TMEM266: variants seen among roughly 807,000 people sequenced by gnomAD.
The protein encoded by TMEM266 is transmembrane protein 266.
In TMEM266, 33 loss-of-function variants were observed where a neutral mutation model predicts 50.5. The observed-to-expected ratio is 0.65, with a 90% CI of 0.50 to 0.87. The LOEUF is 0.87. Among genes scored for constraint, TMEM266 ranks in the 40% least tolerant of loss-of-function variants. The pLI is 0.00. For synonymous variants in TMEM266, 310 were observed against 292.3 expected, an observed-to-expected ratio of 1.06 and a Z score of -0.62; for missense variants, 655 against 695.1, an observed-to-expected ratio of 0.94 and a Z score of 0.65.
chr15:76,163,798 C>T (rs1403536411), intron 5 of TMEM266, among the ~76,000 whole-genome samples: 2 of 152,204 alleles, frequency 1.3e-5, no homozygotes, highest in Non-Finnish European at 2.9e-5. Context: ...GAAGAGAAAG[C>T]GGAGCCGCGG....
intron 1 of TMEM266, among the ~76,000 whole-genome samples, chr15:76,133,422 G>A (rs1406002539): frequency 6.7e-6 from 1 of 150,210 alleles, no homozygotes; most frequent in Non-Finnish European, 1.5e-5. Context: ...GGTGACAAGA[G>A]TGAAACTCCA....
At chr15:76,080,744 A>T (rs1242241539) in intron 1 of TMEM266, among the ~76,000 whole-genome samples, 1 of 151,642 alleles carries the variant, frequency 6.6e-6, no homozygotes, top group Non-Finnish European at 1.5e-5. Flanking sequence ...TGGACACGCC[A>T]TGGATTTTTT....
At chr15:76,108,847 G>A (rs2037125397) in intron 1 of TMEM266, among the ~76,000 whole-genome samples, 1 of 152,116 alleles carries the variant, frequency 6.6e-6, no homozygotes, top group Non-Finnish European at 1.5e-5. Flanking sequence ...TTAAGTGTGG[G>A]GGAGATTAAT....
At chr15:76,165,326 A>T (rs2038078431) in intron 5 of TMEM266, among the ~76,000 whole-genome samples, 3 of 152,246 alleles carry the variant, frequency 2.0e-5, no homozygotes, top group African/African-American at 7.2e-5. Flanking sequence ...AGGGACCAGA[A>T]GGTTCACTTG....
chr15:76,125,617 G>T (rs899735090), intron 1 of TMEM266, among the ~76,000 whole-genome samples: 2 of 152,090 alleles, frequency 1.3e-5, no homozygotes, highest in Non-Finnish European at 2.9e-5. Flanking sequence ...GGAGGCCCAG[G>T]TGGGCAGATC....
rs79306104 is a variant in TMEM266 at position 76,111,075 on chromosome 15, C to T, written c.-96-23093C>T. On this transcript the variant is annotated intron_variant, in intron 1 of 10. Coordinates refer to ENST00000388942, the MANE Select transcript of TMEM266 (RefSeq NM_152335.3). Reference sequence around the variant, plus strand: ...ACAGCCACTTTGGAAGACACACTTTCGCAGTTTCTTTTTTTTTTTTTTGAG... The same window carrying T: ...ACAGCCACTTTGGAAGACACACTTTTGCAGTTTCTTTTTTTTTTTTTTGAG... 5.3e-4 allele frequency among the ~76,000 whole-genome samples: 75 copies of T among 142,146 alleles called. 1 individual carries two copies. The East Asian group carries it at 0.014, about 27-fold the overall frequency. 93.3% of individuals were successfully genotyped at this position (142,146 alleles called of 152,430 possible).
chr15:76,074,681 G>C (rs1480557424), intron 1 of TMEM266, among the ~76,000 whole-genome samples: 1 of 152,048 alleles, frequency 6.6e-6, no homozygotes, highest in African/African-American at 2.4e-5. Context: ...ACACCTTGGA[G>C]TATTGACAGC....
At chr15:76,120,758 C>CAAAAAAAAAAAAAAAAAAAAAAGAAA (rs2037329367) in intron 1 of TMEM266, among the ~76,000 whole-genome samples, 1 of 57,952 alleles carries the variant, frequency 1.7e-5, no homozygotes, top group Non-Finnish European at 3.4e-5. Context: ...AAGACTGTCT[C>CAAAAAAAAAAAAAAAAAAAAAAGAAA]AAAAAAAAAA....
intron 1 of TMEM266, among the ~76,000 whole-genome samples, chr15:76,103,466 T>C (rs920268811): frequency 9.9e-5 from 15 of 151,614 alleles, no homozygotes; most frequent in African/African-American, 3.4e-4. Context: ...CACCACTCTC[T>C]CTAAGGTTTT....
In TMEM266 at chr15:76,128,429, A is replaced by G. The variant is rs2037456993; in HGVS notation, c.-96-5739A>G. 4.6e-5 allele frequency among the ~76,000 whole-genome samples: 7 copies of G among 152,240 alleles called. No individual in the cohort carries two copies. In the South Asian group the frequency reaches 1.4e-3, roughly 32 times the overall value. On this transcript the variant is annotated intron_variant, in intron 1 of 10. Coordinates refer to ENST00000388942, the MANE Select transcript of TMEM266 (RefSeq NM_152335.3). ...GGGTAAATACATAGACTCATGACCA[A>G]CAAGTGGAAGAGACTGGAATTTGAC...
intron 3 of TMEM266, among the ~76,000 whole-genome samples, chr15:76,138,166 G>A (rs1208583902): frequency 1.4e-5 from 2 of 143,274 alleles, no homozygotes; most frequent in African/African-American, 5.2e-5. Flanking sequence ...AGGTTGCAGT[G>A]AGCTGAAATT....
intron 1 of TMEM266, among the ~76,000 whole-genome samples, chr15:76,117,281 G>A (rs925766967): frequency 2.6e-5 from 4 of 151,594 alleles, no homozygotes; most frequent in East Asian, 3.9e-4. Context: ...TTATTAAATC[G>A]ACTTTTTACC....
intron 3 of TMEM266, among the ~76,000 whole-genome samples, chr15:76,141,324 C>T (rs1445512232): frequency 6.6e-6 from 1 of 151,118 alleles, no homozygotes; most frequent in Non-Finnish European, 1.5e-5. Context: ...CAACCTCCGT[C>T]TCCCAGGTTT....
chr15:76,178,927 G>C (rs1343589191), intron 8 of TMEM266: 1 of 152,284 alleles, frequency 6.6e-6, no homozygotes, highest in Admixed American at 6.5e-5. Flanking sequence ...CCTGGCCAGA[G>C]GGACCAGGAG....
At chr15:76,084,093 A>G (rs2141993437) in intron 1 of TMEM266, among the ~76,000 whole-genome samples, 1 of 152,228 alleles carries the variant, frequency 6.6e-6, no homozygotes, top group South Asian at 2.1e-4. Context: ...CAGGTGGATC[A>G]CCAGAGCCCA....
At chr15:76,170,623 G>A (rs1596149626) in intron 6 of TMEM266, among the ~76,000 whole-genome samples, 2 of 152,218 alleles carry the variant, frequency 1.3e-5, no homozygotes, top group Admixed American at 1.3e-4. Flanking sequence ...CGGGGAAGGA[G>A]GCACCCTGAG....
At chr15:76,170,852 G>A (rs1294299251) in intron 6 of TMEM266, 141 bp from the exon 7 acceptor site, 1 of 953,838 alleles carries the variant, frequency 1.0e-6, no homozygotes, top group Non-Finnish European at 1.5e-6. Flanking sequence ...GGTCAGGAGG[G>A]GCCACCCGGG....
chr15:76,110,894 T>C (rs999905726), intron 1 of TMEM266, among the ~76,000 whole-genome samples: 4 of 152,160 alleles, frequency 2.6e-5, no homozygotes, highest in Non-Finnish European at 5.9e-5. Context: ...ATCTTCAGCA[T>C]TGTATCAACA....
At chr15:76,091,663 G>A (rs1171061384) in intron 1 of TMEM266, among the ~76,000 whole-genome samples, 1 of 151,966 alleles carries the variant, frequency 6.6e-6, no homozygotes, top group Non-Finnish European at 1.5e-5. Flanking sequence ...TCTATAAGAA[G>A]TAGGCAATGA....
Sources: gnomAD v4.1 joint callset for allele counts (sites outside exome capture counted in the v4.1 genomes callset) on GRCh38, gnomAD v4.1.1 for gene constraint, MANE v1.5 for transcripts, NCBI Gene and HGNC (gene_info 2026-07-23, HGNC 2026-07-21) for gene names.